ANXA11: variants seen among roughly 807,000 people sequenced by gnomAD.
ANXA11 encodes the protein 56 kDa autoantigen.
ANXA11 carries 57 observed loss-of-function variants against 64.7 expected under a neutral mutation model. The ratio of observed to expected loss-of-function variants is 0.88; its 90% CI spans 0.71 to 1.10. The LOEUF is 1.10. Among genes scored for constraint, ANXA11 ranks in the 50% least tolerant of loss-of-function variants. The pLI is 0.00. For missense variants in ANXA11, 675 were observed against 670.7 expected (o/e 1.01, Z -0.07); for synonymous variants, 260 against 265.2 (o/e 0.98, Z 0.19).
chr10:80,189,766 A>G (rs777958941), intron 1 of ANXA11, among the ~76,000 whole-genome samples: 55 of 152,232 alleles, frequency 3.6e-4, no homozygotes, highest in Middle Eastern at 3.2e-3. Flanking sequence ...TACTCAACCT[A>G]TATACCTAAA....
chr10:80,166,672 G>A, intron 7 of ANXA11: 1 of 578,326 alleles, frequency 1.7e-6, no homozygotes, highest in Non-Finnish European at 3.1e-6. Flanking sequence ...CTAGAACCCA[G>A]GGATAGATGT....
chr10:80,196,237 C>T (rs1235394794), intron 1 of ANXA11, among the ~76,000 whole-genome samples: 2 of 152,202 alleles, frequency 1.3e-5, no homozygotes, highest in African/African-American at 4.8e-5. Flanking sequence ...TGACTCTTGA[C>T]ATGCAAAGGT....
chr10:80,156,611 T>A (rs61860017), intron 15 of ANXA11: 14,396 of 359,368 alleles, frequency 0.04, 435 homozygotes, highest in Non-Finnish European at 0.056. Flanking sequence ...TCTCCCGGGT[T>A]CAAGCAATTC....
Position 80,157,649 on chromosome 10 carries a change from C to G in ANXA11, c.1450G>C (p.Asp484His), listed in dbSNP as rs143921438. The G allele has an allele frequency of 2.5e-6, 4 of 1,613,320 alleles. No homozygotes were observed. In the African/African-American group the frequency reaches 5.3e-5, roughly 22 times the overall value. Residue 484 changes from aspartate (D) to histidine (H), a missense_variant, in exon 15 of 16, where the codon GAC becomes CAC. Physicochemically the swap from Asp to His is moderately conservative, Grantham distance 81. Coordinates refer to ENST00000422982, the MANE Select transcript of ANXA11 (RefSeq NM_145868.2). ...CTGCAGCAGGCCCGTACCGAGATGT[C>G]GTGGTACAGCGACTTGCCGTACATC... The part of the protein sequence containing the change: ...KRMYGKSLYH[D>H]ISGDTSGDYR...
At position 80,159,083 on chromosome 10, in the gene ANXA11, A is replaced by T. The variant is rs370308212; in HGVS notation, c.1276+17T>A. The T allele has an allele frequency of 1.2e-6, 2 of 1,609,646 alleles. No individual in the cohort carries two copies. Among genetic ancestry groups the T allele is most frequent in the Non-Finnish European group, 1.7e-6 (2 of 1,176,440 alleles). ...CGTTAGCCCCTGGCAGGTGGGCGGC[A>T]AACCTGAGACACTTACCCACGGCCA... On this transcript the variant is annotated intron_variant, in intron 13 of 15. Coordinates refer to ENST00000422982, the MANE Select transcript of ANXA11 (RefSeq NM_145868.2).
At chr10:80,182,572 A>G (rs1846394836) in intron 1 of ANXA11, among the ~76,000 whole-genome samples, 1 of 152,212 alleles carries the variant, frequency 6.6e-6, no homozygotes, top group Non-Finnish European at 1.5e-5. Context: ...CATGTGCAGA[A>G]CATGCAGGTT....
rs183093020 is a variant in ANXA11 at position 80,177,904 on chromosome 10, G to A, written c.-57-1749C>T. Among the ~76,000 whole-genome samples the A allele has an allele frequency of 1.4e-4, 21 of 152,282 alleles. No individual in the cohort carries two copies. The East Asian group carries it at 2.7e-3, about 20-fold the overall frequency. ...CTCCCCCCAAGCTATCCATGTTCTA[G>A]GAGGCTAGAGGCTGCAGGATTAGCA... On this transcript the variant is annotated intron_variant, in intron 1 of 15. Coordinates refer to ENST00000422982, the MANE Select transcript of ANXA11 (RefSeq NM_145868.2).
In ANXA11 at chr10:80,169,341, C is replaced by T; in HGVS notation, c.189G>A (p.Gly63=). The change falls in exon 5 of 16, where the codon GGG becomes GGA. Residue 63 remains glycine (G), a synonymous_variant. Coordinates refer to ENST00000422982, the MANE Select transcript of ANXA11 (RefSeq NM_145868.2). ...TGGGCATGTTGGCTCCTCCAAATGTCCCAGACATGTTGGCCGCCTGCAAGG... is the reference window on the plus strand; with the variant it reads ...TGGGCATGTTGGCTCCTCCAAATGTTCCAGACATGTTGGCCGCCTGCAAGG... ...YLSGMAANMS[G]TFGGANMPNL... is the part of the protein sequence containing the mutation. The T allele has an allele frequency of 1.2e-6, 2 of 1,607,624 alleles. No homozygotes were observed. The highest frequency in any genetic ancestry group is 1.7e-6 in the Non-Finnish European group (2 of 1,179,826).
rs181199967 is a variant in ANXA11 at position 80,170,476 on chromosome 10, C to T, written c.171+324G>A. ...ACATGCAGGTATATGAATGTGGATA[C>T]TCATACATAGCACGTGCATGCACAC... is the stretch of plus-strand genomic sequence containing the variant. On this transcript the variant is annotated intron_variant, in intron 4 of 15. Transcript: ENST00000422982. Among the ~76,000 whole-genome samples, 53 of 152,360 alleles carry T rather than the reference C, an allele frequency of 3.5e-4. 1 individual carries two copies. The East Asian group carries it at 0.01, about 29-fold the overall frequency.
chr10:80,156,537 G>A (rs111359123), intron 15 of ANXA11: 199 of 461,228 alleles, frequency 4.3e-4, no homozygotes, highest in African/African-American at 3.4e-3. Context: ...TTTTTGAGAC[G>A]AAGTCTCACT....
intron 1 of ANXA11, among the ~76,000 whole-genome samples, chr10:80,194,690 G>A (rs1846911615): frequency 6.6e-6 from 1 of 152,174 alleles, no homozygotes; most frequent in Non-Finnish European, 1.5e-5. Flanking sequence ...TCAGTGGTTT[G>A]CATGCTGCCT....
intron 9 of ANXA11, 134 bp downstream of exon 9, chr10:80,163,919 T>TG: frequency 1.4e-6 from 1 of 736,694 alleles, no homozygotes; most frequent in Non-Finnish European, 2.2e-6. Context: ...CCCAAAGTAT[T>TG]GGGGGTGGCA....
chr10:80,194,016 G>C (rs111889799), intron 1 of ANXA11, among the ~76,000 whole-genome samples: 5 of 151,686 alleles, frequency 3.3e-5, no homozygotes, highest in Admixed American at 1.3e-4. Flanking sequence ...ACAGGGTTTC[G>C]CCATGTTGAC....
chr10:80,192,414 A>C (rs1309443846), intron 1 of ANXA11, among the ~76,000 whole-genome samples: 1 of 152,242 alleles, frequency 6.6e-6, no homozygotes, highest in Non-Finnish European at 1.5e-5. Context: ...GAACCAAAGA[A>C]ACAGACAACG....
Position 80,157,775 on chromosome 10 carries a change from C to T in ANXA11, c.1336-12G>A, listed in dbSNP as rs768113693. On this transcript the variant is annotated splice_polypyrimidine_tract_variant and intron_variant, in intron 14 of 15. Transcript: ENST00000422982. ...TTTGTTCCTGCCCCCTAAAGAGAGT[C>T]CACCCAAGAGCATGAGCACCAGGCC... The T allele has an allele frequency of 7.5e-6, 12 of 1,610,564 alleles. No individual in the cohort carries two copies. The East Asian group carries it at 2.7e-4, about 36-fold the overall frequency.
rs574870879 is a variant in ANXA11, at chr10:80,155,548, G to A, written c.*305C>T. On this transcript the variant is annotated 3_prime_UTR_variant, in exon 16 of 16. Coordinates refer to ENST00000422982, the MANE Select transcript of ANXA11 (RefSeq NM_145868.2). ...AAATAAAAATATACAATTACATGAC[G>A]AAATGAAGCCAAGTCTTAGCCACAG... 9.7e-4 allele frequency: 384 copies of A among 394,220 alleles called. 1 individual carries two copies. Among genetic ancestry groups the A allele is most frequent in the Non-Finnish European group, 1.5e-3 (334 of 220,260 alleles). The allele number at this position is 394,220 out of a possible 1,614,324, so 24.4% of individuals were successfully genotyped here.
In ANXA11 at chr10:80,167,269, G is replaced by A. The variant is rs377252419; in HGVS notation, c.606C>T (p.Pro202=). 5.6e-6 allele frequency: 9 copies of A among 1,614,168 alleles called. No individual in the cohort carries two copies. The South Asian group carries it at 8.8e-5, about 16-fold the overall frequency. Residue 202 remains proline, a synonymous_variant, in exon 6 of 16, where the codon CCC becomes CCT. Transcript: ENST00000422982. ...TCCGCAGGACCTCGGCATCTCGCAG[G>A]GGGTCAAAGCCGGGAGCATCAGTGA... The part of the protein sequence containing the change: ...GTITDAPGFD[P]LRDAEVLRKA...
At chr10:80,161,856 G>C (rs561883212) in intron 12 of ANXA11, 79 bp downstream of exon 12, 109 of 1,272,474 alleles carry the variant, frequency 8.6e-5, no homozygotes, top group Non-Finnish European at 1.1e-4. Context: ...ACGACCAAGT[G>C]TTCCCATAGC....
intron 1 of ANXA11, among the ~76,000 whole-genome samples, chr10:80,182,440 A>C (rs903648274): frequency 6.6e-6 from 1 of 152,208 alleles, no homozygotes. Context: ...GTACAGTTTA[A>C]AACACACAGA....
Sources: allele counts gnomAD v4.1 joint callset (sites outside exome capture counted in the v4.1 genomes callset), GRCh38; gene constraint gnomAD v4.1.1; transcripts MANE v1.5; gene names NCBI Gene and HGNC (gene_info 2026-07-23, HGNC 2026-07-21).